The following CORO7 variants were observed in gnomAD, a reference collection of about 807,000 sequenced individuals.
CORO7 encodes the protein coronin-7.
Under a neutral mutation model 126.6 loss-of-function variants are expected in CORO7, and 107 were observed. The ratio of observed to expected loss-of-function variants is 0.85; its 90% CI spans 0.72 to 0.99. The LOEUF is 0.99. CORO7 is among the 50% of genes least tolerant of loss of function. CORO7 has a pLI of 0.00. For synonymous variants in CORO7, 603 were observed against 536.8 expected, an observed-to-expected ratio of 1.12 and a Z score of -1.70; for missense variants, 1,314 against 1,255.8, an observed-to-expected ratio of 1.05 and a Z score of -0.70.
chr16:4,356,980 C>T (rs775434722), intron 26 of CORO7, 188 bp downstream of exon 26: 1 of 780,684 alleles, frequency 1.3e-6, no homozygotes, highest in Non-Finnish European at 2.0e-6. Flanking sequence ...CCACTGCCCT[C>T]CCCCACTTCC....
At position 4,377,973 on chromosome 16, in the gene CORO7, T is replaced by C. The variant is rs150162585; in HGVS notation, c.785+10013A>G. Among the ~76,000 whole-genome samples, 171 of 152,288 alleles carry C rather than the reference T, an allele frequency of 1.1e-3. 1 individual carries two copies. Among genetic ancestry groups the C allele is most frequent in the African/African-American group, 4.0e-3 (167 of 41,560 alleles). On this transcript the variant is annotated intron_variant, in intron 9 of 27. Transcript: ENST00000251166. ...ACCTGTCAGCCGGAAAGCCACCCTG[T>C]GGCCAGATGGACCCACAGCATCCCC...
intron 9 of CORO7, chr16:4,381,094 G>GA: frequency 6.2e-7 from 1 of 1,608,020 alleles, no homozygotes; most frequent in Non-Finnish European, 8.5e-7. Flanking sequence ...AGGCAGCTTT[G>GA]CCGGCCTGCC....
At chr16:4,387,955 C>T (rs1298833331) in intron 9 of CORO7, 31 bp downstream of exon 9, 1 of 1,610,850 alleles carries the variant, frequency 6.2e-7, no homozygotes, top group Admixed American at 1.7e-5. Flanking sequence ...GTCATCAGCC[C>T]CCCAGCCCAC....
intron 9 of CORO7, among the ~76,000 whole-genome samples, chr16:4,373,483 T>C (rs2054605877): frequency 6.6e-6 from 1 of 152,074 alleles, no homozygotes. Flanking sequence ...TCTCTCTCCA[T>C]ATTCTGGGAA....
At chr16:4,355,507 C>T (rs1028286252) in intron 26 of CORO7, 135 bp from the exon 27 acceptor site, 3 of 986,692 alleles carry the variant, frequency 3.0e-6, no homozygotes, top group East Asian at 5.3e-5. Flanking sequence ...CTCTGTCGCC[C>T]AGGCTGGATG....
intron 9 of CORO7, among the ~76,000 whole-genome samples, chr16:4,385,435 C>G (rs2055162736): frequency 6.6e-6 from 1 of 152,146 alleles, no homozygotes; most frequent in African/African-American, 2.4e-5. Context: ...GTTCACCCAG[C>G]CCCCTCACAG....
At chr16:4,404,955 C>T (rs1200040407) in intron 6 of CORO7, among the ~76,000 whole-genome samples, 2 of 152,184 alleles carry the variant, frequency 1.3e-5, no homozygotes, top group Non-Finnish European at 2.9e-5. Context: ...ACAACCCTTA[C>T]TCACCACCCA....
chr16:4,381,464 C>A (rs372370728), intron 9 of CORO7: 2 of 1,580,420 alleles, frequency 1.3e-6, no homozygotes, highest in Non-Finnish European at 1.7e-6. Context: ...AACGTGGAGG[C>A]GCTGCGGCTG....
intron 9 of CORO7, chr16:4,382,532 A>G: frequency 1.3e-6 from 2 of 1,593,042 alleles, no homozygotes; most frequent in Non-Finnish European, 1.7e-6. Flanking sequence ...GCCTGCGGGG[A>G]GGCCCATACA....
intron 6 of CORO7, among the ~76,000 whole-genome samples, chr16:4,398,713 T>C (rs1251031394): frequency 6.6e-6 from 1 of 151,096 alleles, no homozygotes; most frequent in African/African-American, 2.4e-5. Flanking sequence ...CTCACACCTG[T>C]AATCCCAGCA....
chr16:4,361,764 G>T (rs918469163), intron 16 of CORO7: 1 of 842,508 alleles, frequency 1.2e-6, no homozygotes, highest in Non-Finnish European at 1.9e-6. Flanking sequence ...TGTGTGACCC[G>T]GGCAGGTCAC....
rs749761066 is a variant in CORO7 at position 4,355,267 on chromosome 16, G to T, written c.2772+19C>A. On this transcript the variant is annotated intron_variant, in intron 27 of 27. Coordinates refer to ENST00000251166, the MANE Select transcript of CORO7 (RefSeq NM_024535.5). ...GGGACCGCGCTGCCTGCCGGGAAGT[G>T]AGGCCACTCACTACTCACCCACTCG... 1 of 1,612,974 alleles carries T rather than the reference G, an allele frequency of 6.2e-7. No individual in the cohort carries two copies. Among genetic ancestry groups the T allele is most frequent in the Non-Finnish European group, 8.5e-7 (1 of 1,179,688 alleles).
intron 6 of CORO7, among the ~76,000 whole-genome samples, chr16:4,404,845 A>G (rs1192530997): frequency 6.6e-6 from 1 of 151,894 alleles, no homozygotes; most frequent in Non-Finnish European, 1.5e-5. Flanking sequence ...CACACTGTCC[A>G]TGTGGTTCCA....
intron 6 of CORO7, among the ~76,000 whole-genome samples, chr16:4,404,311 C>T (rs950223680): frequency 3.3e-5 from 5 of 152,136 alleles, no homozygotes; most frequent in African/African-American, 7.2e-5. Flanking sequence ...CCAGCAACCC[C>T]GACAGGTCTT....
rs554201478 is a variant in CORO7 at position 4,401,682 on chromosome 16, T to C, written c.564+3809A>G. Among the ~76,000 whole-genome samples the C allele has an allele frequency of 6.6e-5, 10 of 151,484 alleles. No individual in the cohort carries two copies. In the South Asian group the frequency reaches 2.1e-3, roughly 32 times the overall value. ...GACAGAGCGGGCCAGAGAGAGCAAG[T>C]AGAGATCAAGGACAGATACAGGGGA... is the stretch of plus-strand genomic sequence containing the variant. On this transcript the variant is annotated intron_variant, in intron 6 of 27. Transcript: ENST00000251166.
At chr16:4,393,278 C>A (rs566690067) in intron 7 of CORO7, among the ~76,000 whole-genome samples, 1 of 152,282 alleles carries the variant, frequency 6.6e-6, no homozygotes, top group African/African-American at 2.4e-5. Context: ...GCCTGGGCCC[C>A]GCTTTCTGGG....
chr16:4,413,761 C>T (rs1028921748), intron 1 of CORO7, among the ~76,000 whole-genome samples: 3 of 151,248 alleles, frequency 2.0e-5, no homozygotes, highest in Non-Finnish European at 4.4e-5. Flanking sequence ...TGGTCTCGAA[C>T]TCCTGGCCTC....
intron 16 of CORO7, 70 bp downstream of exon 16, chr16:4,361,915 G>A: frequency 6.5e-7 from 1 of 1,544,406 alleles, no homozygotes. Context: ...TGTGTGGGTA[G>A]CTAAGGCCCT....
chr16:4,383,171 ACGG>A, intron 9 of CORO7: 1 of 418,520 alleles, frequency 2.4e-6, no homozygotes, highest in Non-Finnish European at 4.4e-6. Context: ...GTCCCTGGGC[ACGG>A]CGGGCCCTGC....
Sources: gnomAD v4.1 joint callset for allele counts (sites outside exome capture counted in the v4.1 genomes callset) on GRCh38, gnomAD v4.1.1 for gene constraint, MANE v1.5 for transcripts, NCBI Gene and HGNC (gene_info 2026-07-23, HGNC 2026-07-21) for gene names.